Variants in COPS3 observed in about 807,000 individuals in gnomAD.
COPS3 encodes the protein COP9 signalosome subunit 3, also known as COP9 signalosome complex subunit 3.
In COPS3, 10 loss-of-function variants were observed where a neutral mutation model predicts 58.2. The ratio of observed to expected loss-of-function variants is 0.17; its 90% CI spans 0.11 to 0.29. The LOEUF (loss-of-function observed/expected upper bound fraction) is 0.29, where lower values mean the gene tolerates loss of function less well. COPS3 is among the 10% of genes least tolerant of loss of function. The probability of loss-of-function intolerance (pLI) is 1.00; values close to 1 mark genes in which losing one functional copy is unlikely to be tolerated. For synonymous variants in COPS3, 187 were observed against 181.7 expected, an observed-to-expected ratio of 1.03 and a Z score of -0.24; for missense variants, 333 against 510.1, an observed-to-expected ratio of 0.65 and a Z score of 3.34.
At chr17:17,257,486 G>A (rs1214186516) in intron 8 of COPS3, among the ~76,000 whole-genome samples, 1 of 152,006 alleles carries the variant, frequency 6.6e-6, no homozygotes, top group East Asian at 1.9e-4. Flanking sequence ...AAAAGAAACA[G>A]AGAAGAGGAA....
rs193153170 is a variant in COPS3 at position 17,275,803 on chromosome 17, C to T, written c.185+232G>A. On this transcript the variant is annotated intron_variant, in intron 2 of 11. Transcript: ENST00000268717. ...CTAAAAATACAAAAATTAGCTGGGG[C>T]GGGTGGCGAGTGCCTGTAGTCCCAG... Among the ~76,000 whole-genome samples, 368 of 151,926 alleles carry T rather than the reference C, an allele frequency of 2.4e-3. 2 individuals carry two copies. Among genetic ancestry groups the T allele is most frequent in the Non-Finnish European group, 3.9e-3 (268 of 67,952 alleles).
rs1339441398 is a variant in COPS3 at position 17,278,764 on chromosome 17, A to G, written c.55+2368T>C. 8.5e-5 allele frequency among the ~76,000 whole-genome samples: 13 copies of G among 152,184 alleles called. 1 individual carries two copies. The highest frequency in any genetic ancestry group is 3.8e-4 in the East Asian group (2 of 5,200). ...AAAGCTGGGTCACTATGAAATCACC[A>G]GATAATTAATTAGTGCAGGGCCAAG... On this transcript the variant is annotated intron_variant, in intron 1 of 11. Coordinates refer to ENST00000268717, the MANE Select transcript of COPS3 (RefSeq NM_003653.4).
At position 17,256,470 on chromosome 17, in the gene COPS3, C is replaced by CT. The variant is rs372102057; in HGVS notation, c.937-1526dup. ...TGATGAGGGAAACCAGTGTTTACCA[C>CT]TGCTCTCTTGGGATCTGATGAAAAT... On this transcript the variant is annotated intron_variant, in intron 8 of 11. Transcript: ENST00000268717. 9.5e-4 allele frequency among the ~76,000 whole-genome samples: 144 copies of CT among 152,300 alleles called. 5 individuals are homozygous for CT. In the East Asian group the frequency reaches 0.024, roughly 25 times the overall value.
intron 8 of COPS3, among the ~76,000 whole-genome samples, chr17:17,257,624 C>T (rs375249495): frequency 2.9e-4 from 44 of 151,128 alleles, no homozygotes; most frequent in African/African-American, 1.0e-3. Flanking sequence ...GGTGAAACCC[C>T]GTCTCTACTA....
In COPS3 at chr17:17,247,128, A is replaced by G. The variant is rs1020609394; in HGVS notation, c.1242T>C (p.Asp414=). 12 of 1,613,822 alleles carry G rather than the reference A, an allele frequency of 7.4e-6. No homozygotes were observed. The African/African-American group carries it at 1.6e-4, about 22-fold the overall frequency. The change falls in exon 12 of 12, where the codon GAT becomes GAC. Residue 414 remains aspartate, a synonymous_variant. Transcript: ENST00000268717. ...VQKSMGSQED[D]SGNKPSSYS ...AATAACTGGATGGTTTGTTTCCTGA[A>G]TCATCTTCTTGTGAGCCCATACTCT... is the stretch of plus-strand genomic sequence containing the variant.
Position 17,281,214 on chromosome 17 carries a change from A to C in COPS3, c.-28T>G. On this transcript the variant is annotated 5_prime_UTR_variant, in exon 1 of 12. Transcript: ENST00000268717. Reference sequence around the variant, plus strand: ...TTTCCCCCGGGCGGCCCGAGCGGCGAAGGCAGCACGCGCGGGAAAAGGCTG... The same window carrying C: ...TTTCCCCCGGGCGGCCCGAGCGGCGCAGGCAGCACGCGCGGGAAAAGGCTG... The C allele has an allele frequency of 6.2e-7, 1 of 1,602,506 alleles. No individual in the cohort carries two copies. The highest frequency in any genetic ancestry group is 8.5e-7 in the Non-Finnish European group (1 of 1,174,814).
chr17:17,270,547 C>T (rs553438750), intron 4 of COPS3, among the ~76,000 whole-genome samples: 7 of 152,130 alleles, frequency 4.6e-5, no homozygotes, highest in African/African-American at 1.7e-4. Context: ...AGCAGCCTCC[C>T]TGAGGTGCCA....
intron 8 of COPS3, among the ~76,000 whole-genome samples, chr17:17,259,808 C>T (rs1257129937): frequency 1.3e-5 from 2 of 151,896 alleles, no homozygotes; most frequent in African/African-American, 4.8e-5. Flanking sequence ...GTGGGCAGAT[C>T]ACTTGAGCTC....
At chr17:17,250,277 T>C (rs1232950819) in intron 9 of COPS3, among the ~76,000 whole-genome samples, 2 of 139,552 alleles carry the variant, frequency 1.4e-5, no homozygotes, top group Non-Finnish European at 3.1e-5. Context: ...TTTTTTGAGA[T>C]GGGGTCTCGC....
chr17:17,264,885 G>A lies in COPS3; in HGVS notation c.538C>T (p.His180Tyr). ...CCATAATAATAGTAACATAAAAAGTGTTTTGCATCATAGGCTCCATTCTCT... is the reference window on the plus strand; with the variant it reads ...CCATAATAATAGTAACATAAAAAGTATTTTGCATCATAGGCTCCATTCTCT... The part of the protein sequence containing the change: ...CKENGAYDAK[H>Y]FLCYYYYGGM... The change falls in exon 6 of 12, where the codon CAC (histidine) becomes TAC (tyrosine). Residue 180 changes from histidine to tyrosine, a missense_variant. Physicochemically the swap from His to Tyr is moderately conservative, Grantham distance 83 (BLOSUM62 2). Coordinates refer to ENST00000268717, the MANE Select transcript of COPS3 (RefSeq NM_003653.4). 1 of 1,613,560 alleles carries A rather than the reference G, an allele frequency of 6.2e-7. No individual in the cohort carries two copies. The highest frequency in any genetic ancestry group is 1.1e-5 in the South Asian group (1 of 91,060).
intron 9 of COPS3, among the ~76,000 whole-genome samples, chr17:17,253,884 G>A (rs1283909596): frequency 6.6e-6 from 1 of 152,078 alleles, no homozygotes; most frequent in East Asian, 1.9e-4. Context: ...CCAGCTACTC[G>A]GGAGGCTGAG....
At chr17:17,256,649 A>G (rs2047981933) in intron 8 of COPS3, among the ~76,000 whole-genome samples, 1 of 151,990 alleles carries the variant, frequency 6.6e-6, no homozygotes, top group Admixed American at 6.6e-5. Flanking sequence ...TGCCCAGGCT[A>G]GAGTGCAGAG....
intron 9 of COPS3, among the ~76,000 whole-genome samples, chr17:17,253,465 G>T (rs2047895191): frequency 6.6e-6 from 1 of 152,162 alleles, no homozygotes; most frequent in Admixed American, 6.5e-5. Context: ...TTGGGGTGGG[G>T]CTGAGAGTGG....
intron 8 of COPS3, among the ~76,000 whole-genome samples, chr17:17,259,361 C>CA (rs1316032650): frequency 6.6e-6 from 1 of 152,098 alleles, no homozygotes; most frequent in Non-Finnish European, 1.5e-5. Context: ...TCCTAAAACA[C>CA]AAAAAATTTC....
intron 6 of COPS3, among the ~76,000 whole-genome samples, 186 bp downstream of exon 6, chr17:17,264,616 G>C (rs1482727303): frequency 6.6e-6 from 1 of 152,176 alleles, no homozygotes; most frequent in African/African-American, 2.4e-5. Context: ...TCTATGCACT[G>C]GCGCTGCTCC....
At chr17:17,258,525 A>G (rs1327242698) in intron 8 of COPS3, among the ~76,000 whole-genome samples, 1 of 152,188 alleles carries the variant, frequency 6.6e-6, no homozygotes, top group Non-Finnish European at 1.5e-5. Context: ...CTTTTGTAAC[A>G]TGTACTATCT....
At chr17:17,259,916 T>C (rs545483233) in intron 8 of COPS3, among the ~76,000 whole-genome samples, 1 of 151,688 alleles carries the variant, frequency 6.6e-6, no homozygotes, top group South Asian at 2.1e-4. Flanking sequence ...AAAAAAATGT[T>C]CTAATAGAGA....
intron 8 of COPS3, among the ~76,000 whole-genome samples, chr17:17,258,698 A>G (rs2048031240): frequency 6.6e-6 from 1 of 152,102 alleles, no homozygotes; most frequent in African/African-American, 2.4e-5. Context: ...CCAAAAAGAA[A>G]ATTTTATGGA....
intron 5 of COPS3, among the ~76,000 whole-genome samples, chr17:17,265,782 C>G (rs73298318): frequency 6.6e-6 from 1 of 152,182 alleles, no homozygotes; most frequent in Admixed American, 6.6e-5. Context: ...ACAGACAAGA[C>G]TCACTTATCT....
Sources: gnomAD v4.1 joint callset for allele counts (sites outside exome capture counted in the v4.1 genomes callset) on GRCh38, gnomAD v4.1.1 for gene constraint, MANE v1.5 for transcripts, NCBI Gene and HGNC (gene_info 2026-07-23, HGNC 2026-07-21) for gene names.